GGT1: variants seen among roughly 807,000 people sequenced by gnomAD.
GGT1 encodes the protein gamma-glutamyltransferase 1.
Under a neutral mutation model 56.0 loss-of-function variants are expected in GGT1, and 21 were observed. The observed-to-expected ratio is 0.38, with a 90% confidence interval of 0.27 to 0.54. GGT1 has a LOEUF of 0.54. GGT1 is among the 20% of genes least tolerant of loss of function. GGT1 has a pLI of 0.82. For synonymous variants in GGT1, 238 were observed against 342.6 expected (o/e 0.69, Z 3.37); for missense variants, 466 against 787.0 (o/e 0.59, Z 4.88).
chr22:24,603,909 C>G (rs1235228946), intron 1 of GGT1, among the ~76,000 whole-genome samples: 1 of 151,902 alleles, frequency 6.6e-6, no homozygotes, highest in African/African-American at 2.4e-5. Context: ...GGTCATTGCC[C>G]AACTCCAGGG....
intron 7 of GGT1, among the ~76,000 whole-genome samples, chr22:24,619,071 C>T (rs540097741): frequency 1.3e-5 from 2 of 151,890 alleles, no homozygotes; most frequent in Non-Finnish European, 2.9e-5. Context: ...GTCTTGGCAA[C>T]GTAGCAAGAC....
chr22:24,616,492 G>A (rs1253497106), intron 7 of GGT1, among the ~76,000 whole-genome samples: 1 of 151,066 alleles, frequency 6.6e-6, no homozygotes. Context: ...TGGGGGTCCT[G>A]GGTGGTGCCC....
At chr22:24,592,767 A>G, upstream of GGT1, 7 of 1,284,618 alleles carry the variant, frequency 5.4e-6, no homozygotes, top group Non-Finnish European at 6.9e-6. Flanking sequence ...CCCGGCGGAT[A>G]CAGGCCCACA....
At chr22:24,612,582 A>G (rs1447832507) in intron 5 of GGT1, among the ~76,000 whole-genome samples, 4 of 151,624 alleles carry the variant, frequency 2.6e-5, no homozygotes, top group African/African-American at 4.8e-5. Context: ...GCTGGAGTGC[A>G]GTGGCGCAAT....
At chr22:24,606,619 T>C (rs369750420) in intron 1 of GGT1, among the ~76,000 whole-genome samples, 15 of 152,120 alleles carry the variant, frequency 9.9e-5, no homozygotes, top group Admixed American at 2.0e-4. Context: ...CGGGGAGGAA[T>C]AGCCTGGGAA....
chr22:24,606,987 C>T (rs1174662553), intron 1 of GGT1, among the ~76,000 whole-genome samples: 1 of 150,392 alleles, frequency 6.6e-6, no homozygotes, highest in Non-Finnish European at 1.5e-5. Context: ...GCAGCACTGT[C>T]CAAAGTCCCC....
At chr22:24,610,977 G>A in intron 4 of GGT1, 98 bp from the exon 5 acceptor site, 2 of 1,063,724 alleles carry the variant, frequency 1.9e-6, no homozygotes, top group East Asian at 2.6e-5. Context: ...CACAGGCCTT[G>A]TGTTTCTGAG....
intron 5 of GGT1, among the ~76,000 whole-genome samples, chr22:24,613,454 A>G (rs538072808): frequency 2.6e-5 from 4 of 152,324 alleles, no homozygotes; most frequent in Admixed American, 2.0e-4. Context: ...TGTTTGCTTG[A>G]TAAAGAGGAA....
At chr22:24,611,424 A>G (rs971524349) in intron 5 of GGT1, among the ~76,000 whole-genome samples, 179 bp downstream of exon 5, 2 of 151,790 alleles carry the variant, frequency 1.3e-5, no homozygotes, top group Non-Finnish European at 2.9e-5. Context: ...AGAGCCAAAC[A>G]GGGCCCCTTT....
upstream of GGT1, among the ~76,000 whole-genome samples, chr22:24,601,604 GC>G (rs2045783271): frequency 2.0e-5 from 3 of 152,230 alleles, no homozygotes; most frequent in Admixed American, 2.0e-4. Context: ...GGCTTTGGAG[GC>G]CACAGTGGGC....
intron 11 of GGT1, among the ~76,000 whole-genome samples, chr22:24,626,930 C>T (rs1360619165): frequency 6.7e-6 from 1 of 150,296 alleles, no homozygotes; most frequent in African/African-American, 2.5e-5. Context: ...GGCCTTTGCA[C>T]TGACCATTTA....
chr22:24,590,173 C>T (rs1387769701), upstream of GGT1, among the ~76,000 whole-genome samples: 4 of 152,144 alleles, frequency 2.6e-5, no homozygotes, highest in Non-Finnish European at 5.9e-5. Flanking sequence ...CACCCTGTCA[C>T]CCAGGCTGGA....
the GGT1 span, chr22:24,588,469 TC>T: frequency 1.0e-5 from 8 of 773,704 alleles, no homozygotes; most frequent in Admixed American, 4.5e-5. Context: ...CACCAGGGCC[TC>T]CCCCTCCTAC....
upstream of GGT1, among the ~76,000 whole-genome samples, chr22:24,591,162 C>T (rs2045556673): frequency 6.6e-6 from 1 of 152,250 alleles, no homozygotes. Flanking sequence ...TCACCGCAAC[C>T]TCCGCCTCCC....
chr22:24,605,180 A>T (rs866259016), intron 1 of GGT1, among the ~76,000 whole-genome samples: 5 of 63,898 alleles, frequency 7.8e-5, no homozygotes, highest in African/African-American at 2.9e-4. Context: ...ATAATATGTA[A>T]TATATTATAT....
chr22:24,619,269 A>G (rs1175484711), intron 7 of GGT1, among the ~76,000 whole-genome samples: 1 of 151,988 alleles, frequency 6.6e-6, no homozygotes, highest in Non-Finnish European at 1.5e-5. Flanking sequence ...ATGGTGGTGC[A>G]TGCCTGTAAT....
Position 24,628,003 on chromosome 22 carries a change from G to C in GGT1, c.1336+24G>C, listed in dbSNP as rs772245899. 4.3e-6 allele frequency: 7 copies of C among 1,611,412 alleles called. No homozygotes were observed. In the South Asian group the frequency reaches 5.5e-5, roughly 13 times the overall value. On this transcript the variant is annotated intron_variant, in intron 13 of 15. Transcript: ENST00000400382. The surrounding 1 kb of genome is among the most constrained non-coding windows in gnomAD (Gnocchi z 5.7). ...AGGTATGGGGTGGAGGTCCGGGGGT[G>C]GGGGACTGGGGTGGAGAGGGGCGGG...
chr22:24,623,743 G>T (rs1429393039), intron 10 of GGT1, 37 bp from the exon 11 acceptor site: 1 of 1,605,252 alleles, frequency 6.2e-7, no homozygotes. Flanking sequence ...CAGAGCCTCT[G>T]GGGCTCAGCA....
At chr22:24,585,578 C>T in the GGT1 span, 7 of 437,292 alleles carry the variant, frequency 1.6e-5, no homozygotes, top group South Asian at 1.8e-4. Flanking sequence ...TTCTCCCCAC[C>T]CCAGCAGCAG....
Sources: allele counts gnomAD v4.1 joint callset (sites outside exome capture counted in the v4.1 genomes callset), GRCh38; gene constraint gnomAD v4.1.1; non-coding constraint Gnocchi (gnomAD v3.1); transcripts MANE v1.5; gene names NCBI Gene and HGNC (gene_info 2026-07-23, HGNC 2026-07-21).